RGL1: variants seen among roughly 807,000 people sequenced by gnomAD.
The protein encoded by RGL1 is ral guanine nucleotide dissociation stimulator-like 1.
In RGL1, 24 loss-of-function variants were observed where a neutral mutation model predicts 95.2. The observed-to-expected ratio is 0.25, with a 90% CI of 0.18 to 0.35. The LOEUF (loss-of-function observed/expected upper bound fraction) is 0.35, where lower values mean the gene tolerates loss of function less well. Ranked by LOEUF, RGL1 falls within the 10% of genes least tolerant of loss-of-function variation. The pLI is 1.00. For synonymous variants in RGL1, 329 were observed against 344.9 expected (o/e 0.95, Z 0.51); for missense variants, 715 against 936.3 (o/e 0.76, Z 3.08).
At chr1:183,750,041 G>T (rs1478791148) in intron 2 of RGL1, among the ~76,000 whole-genome samples, 1 of 151,930 alleles carries the variant, frequency 6.6e-6, no homozygotes, top group Non-Finnish European at 1.5e-5. Context: ...TGTGTCTTGG[G>T]GTTGCTCCTC....
At chr1:183,677,394 C>A (rs1652898999) in intron 1 of RGL1, among the ~76,000 whole-genome samples, 1 of 152,000 alleles carries the variant, frequency 6.6e-6, no homozygotes, top group African/African-American at 2.4e-5. Flanking sequence ...TAGCTTCAGA[C>A]TAGAAACTCC....
At chr1:183,670,692 T>G (rs1366824743) in intron 1 of RGL1, among the ~76,000 whole-genome samples, 1 of 152,236 alleles carries the variant, frequency 6.6e-6, no homozygotes, top group Non-Finnish European at 1.5e-5. Context: ...ACTCTACTTT[T>G]CTGATGGTTC....
In RGL1 at chr1:183,883,823, G is replaced by A; in HGVS notation, c.648G>A (p.Glu216=). ...LPNTISFSLE[E]EEELEGGESA... ...ACACGATCTCCTTCAGCCTGGAAGA[G>A]GAAGAGGAACTGGAGGGTGGAGAGT... Residue 216 remains glutamate, a synonymous_variant, in exon 6 of 18, where the codon GAG becomes GAA. Transcript: ENST00000360851. 6.2e-7 allele frequency: 1 copy of A among 1,614,136 alleles called. No individual in the cohort carries two copies. Among genetic ancestry groups the A allele is most frequent in the South Asian group, 1.1e-5 (1 of 91,084 alleles).
chr1:183,903,652 C>A (rs1375790349), intron 12 of RGL1, among the ~76,000 whole-genome samples: 1 of 152,028 alleles, frequency 6.6e-6, no homozygotes, highest in Non-Finnish European at 1.5e-5. Context: ...AATAAATAGG[C>A]AGTTATAATA....
chr1:183,919,543 T>C (rs1291001819), intron 16 of RGL1, among the ~76,000 whole-genome samples: 2 of 152,202 alleles, frequency 1.3e-5, no homozygotes, highest in African/African-American at 2.4e-5. Flanking sequence ...GATTGCACAC[T>C]GAGAACTGGT....
chr1:183,640,531 A>C (rs1649854396), intron 1 of RGL1, among the ~76,000 whole-genome samples: 1 of 152,216 alleles, frequency 6.6e-6, no homozygotes, highest in Non-Finnish European at 1.5e-5. Context: ...AAAAAGATTT[A>C]GTGCCAAAGA....
chr1:183,645,626 A>G (rs1250007371), intron 1 of RGL1, among the ~76,000 whole-genome samples: 1 of 152,256 alleles, frequency 6.6e-6, no homozygotes, highest in African/African-American at 2.4e-5. Flanking sequence ...TATGACCAAG[A>G]ATCACTGCGT....
At chr1:183,760,068 AT>A (rs1013621130) in intron 2 of RGL1, among the ~76,000 whole-genome samples, 15 of 151,968 alleles carry the variant, frequency 9.9e-5, no homozygotes, top group African/African-American at 2.7e-4. Context: ...AGTCACATAA[AT>A]TTTTTTTTGT....
chr1:183,855,359 T>C (rs527993017), intron 3 of RGL1, among the ~76,000 whole-genome samples: 1 of 152,390 alleles, frequency 6.6e-6, no homozygotes, highest in South Asian at 2.1e-4. Context: ...AATGCTTTCG[T>C]TGCATGAGAA....
At chr1:183,815,045 G>T (rs1213637357) in intron 2 of RGL1, among the ~76,000 whole-genome samples, 1 of 152,194 alleles carries the variant, frequency 6.6e-6, no homozygotes, top group Non-Finnish European at 1.5e-5. Context: ...GTCCGGATGG[G>T]TGGATCACTT....
chr1:183,677,542 C>T (rs2102068006), intron 1 of RGL1, among the ~76,000 whole-genome samples: 2 of 152,182 alleles, frequency 1.3e-5, no homozygotes, highest in East Asian at 3.9e-4. Context: ...TTTTCAAGTC[C>T]TTTTTCCTAG....
At chr1:183,877,431 A>G (rs186018737) in intron 4 of RGL1, among the ~76,000 whole-genome samples, 11 of 152,296 alleles carry the variant, frequency 7.2e-5, no homozygotes, top group African/African-American at 2.2e-4. Context: ...AAAGTTTCGC[A>G]TTTGTATCTG....
intron 3 of RGL1, among the ~76,000 whole-genome samples, chr1:183,861,220 C>T (rs1223778450): frequency 1.3e-5 from 2 of 152,116 alleles, no homozygotes; most frequent in East Asian, 3.9e-4. Context: ...GGATCATTTG[C>T]CAGAATCAAG....
At chr1:183,870,314 A>G (rs1350545263) in intron 4 of RGL1, among the ~76,000 whole-genome samples, 1 of 142,216 alleles carries the variant, frequency 7.0e-6, no homozygotes, top group Non-Finnish European at 1.6e-5. Context: ...TCTTCCGGCC[A>G]GGGTAGTTGT....
chr1:183,864,355 A>G (rs1333033329), intron 3 of RGL1, among the ~76,000 whole-genome samples: 4 of 152,232 alleles, frequency 2.6e-5, no homozygotes, highest in Non-Finnish European at 5.9e-5. Context: ...AGTAATTGAG[A>G]GATGGCAAGA....
At chr1:183,906,858 A>G (rs946549583) in intron 13 of RGL1, among the ~76,000 whole-genome samples, 154 bp from the exon 14 acceptor site, 2 of 152,098 alleles carry the variant, frequency 1.3e-5, no homozygotes, top group Non-Finnish European at 2.9e-5. Context: ...TGAAGTCAGT[A>G]CCCCCTGACG....
chr1:183,874,518 T>TC, intron 4 of RGL1, among the ~76,000 whole-genome samples: 1 of 151,998 alleles, frequency 6.6e-6, no homozygotes, highest in Admixed American at 6.6e-5. Context: ...AGGTTTTTTT[T>TC]TTTCTCTTCT....
At chr1:183,691,669 T>G (rs10911409) in intron 1 of RGL1, among the ~76,000 whole-genome samples, 12,273 of 152,152 alleles carry the variant, frequency 0.081, 897 homozygotes, top group African/African-American at 0.2. Context: ...GTTGAGAGAA[T>G]GAATAGGTAT....
At chr1:183,793,290 A>G (rs1336670395) in intron 2 of RGL1, among the ~76,000 whole-genome samples, 1 of 152,192 alleles carries the variant, frequency 6.6e-6, no homozygotes, top group Non-Finnish European at 1.5e-5. Context: ...TCAACTTCAA[A>G]TGGATTAAAG....
Sources: gnomAD v4.1 joint callset for allele counts (sites outside exome capture counted in the v4.1 genomes callset) on GRCh38, gnomAD v4.1.1 for gene constraint, MANE v1.5 for transcripts, NCBI Gene and HGNC (gene_info 2026-07-23, HGNC 2026-07-21) for gene names.